Variants in NPAT observed in about 807,000 individuals in gnomAD.
NPAT encodes protein NPAT.
A neutral mutation model predicts 130.7 loss-of-function variants in NPAT; 52 were observed. The ratio of observed to expected loss-of-function variants is 0.40; its 90% CI spans 0.32 to 0.50. The LOEUF (loss-of-function observed/expected upper bound fraction) is 0.50, where lower values mean the gene tolerates loss of function less well. NPAT is among the 20% of genes least tolerant of loss of function. The pLI is 0.68. For missense variants in NPAT, 1,687 were observed against 1,662.6 expected (o/e 1.01, Z -0.26); for synonymous variants, 580 against 584.8 (o/e 0.99, Z 0.12).
At chr11:108,194,112 C>G in intron 2 of NPAT, 95 bp from the exon 3 acceptor site, 1 of 733,898 alleles carries the variant, frequency 1.4e-6, no homozygotes, top group Non-Finnish European at 2.4e-6. Context: ...AATAAAAGAT[C>G]TGACTGCAGA....
chr11:108,173,781 A>G lies in NPAT; in HGVS notation c.1203T>C (p.Asn401=), dbSNP rs181763493. The stretch of plus-strand genomic sequence containing the variant: ...GTCTAAGCACATCATGGTTGTTGCT[A>G]TTCTTCAAAGCATTTAATGGGTCAT... The part of the protein sequence containing the change: ...QNDDPLNALK[N]SNNHDVLRQE... Residue 401 remains asparagine (N), a synonymous_variant, in exon 13 of 18, where the codon AAT becomes AAC. Coordinates refer to ENST00000278612, the MANE Select transcript of NPAT (RefSeq NM_002519.3). 4 of 1,614,160 alleles carry G rather than the reference A, an allele frequency of 2.5e-6. No individual in the cohort carries two copies. Among genetic ancestry groups the G allele is most frequent in the Admixed American group, 1.7e-5 (1 of 60,024 alleles).
At chr11:108,202,650 G>A (rs2078284950) in intron 1 of NPAT, among the ~76,000 whole-genome samples, 2 of 152,098 alleles carry the variant, frequency 1.3e-5, no homozygotes, top group Non-Finnish European at 2.9e-5. Context: ...TGGTCAAAAA[G>A]GTCACTAATG....
At chr11:108,199,137 G>A (rs1279049246) in intron 1 of NPAT, among the ~76,000 whole-genome samples, 1 of 152,210 alleles carries the variant, frequency 6.6e-6, no homozygotes, top group Non-Finnish European at 1.5e-5. Flanking sequence ...CGGTGGGAAG[G>A]AGACAGAGTT....
intron 10 of NPAT, among the ~76,000 whole-genome samples, chr11:108,184,894 G>A (rs1173873112): frequency 6.6e-6 from 1 of 152,092 alleles, no homozygotes; most frequent in African/African-American, 2.4e-5. Context: ...ATTTGTAGCA[G>A]TGTAGAAGAA....
intron 1 of NPAT, among the ~76,000 whole-genome samples, chr11:108,211,855 T>C (rs1039283930): frequency 6.6e-6 from 1 of 151,880 alleles, no homozygotes; most frequent in Non-Finnish European, 1.5e-5. Context: ...GAGGGTGAGG[T>C]AGAAGGATAG....
Position 108,163,550 on chromosome 11 carries a change from G to A in NPAT, c.3011-1370C>T, listed in dbSNP as rs188995743. Among the ~76,000 whole-genome samples, 453 of 152,250 alleles carry A rather than the reference G, an allele frequency of 3.0e-3. 13 individuals carry two copies. The highest frequency in any genetic ancestry group is 7.1e-4 in the Non-Finnish European group (48 of 68,028). On this transcript the variant is annotated intron_variant, in intron 15 of 17. Coordinates refer to ENST00000278612, the MANE Select transcript of NPAT (RefSeq NM_002519.3). ...ATGAGGGTCTGAGAGACAATAATGGGCATGTACATTTCCAAAAGTAAAGGA... is the reference window on the plus strand; with the variant it reads ...ATGAGGGTCTGAGAGACAATAATGGACATGTACATTTCCAAAAGTAAAGGA...
chr11:108,165,452 T>TTATATA (rs10678040), intron 15 of NPAT, among the ~76,000 whole-genome samples: 42 of 133,910 alleles, frequency 3.1e-4, no homozygotes, highest in Middle Eastern at 3.9e-3. Context: ...ACATATGTAT[T>TTATATA]TATATATATA....
chr11:108,176,972 T>G, intron 11 of NPAT, 22 bp downstream of exon 11: 1 of 1,489,890 alleles, frequency 6.7e-7, no homozygotes, highest in Non-Finnish European at 9.4e-7. Context: ...TTTTTCTGTC[T>G]TGAAATAAAT....
chr11:108,204,951 A>G (rs1003053703), intron 1 of NPAT, among the ~76,000 whole-genome samples: 1 of 152,248 alleles, frequency 6.6e-6, no homozygotes, highest in Admixed American at 6.5e-5. Flanking sequence ...TGAAGAAATA[A>G]TGTCTAGAAA....
intron 1 of NPAT, 120 bp downstream of exon 1, chr11:108,222,380 C>G: frequency 9.5e-7 from 1 of 1,054,352 alleles, no homozygotes; most frequent in South Asian, 1.3e-5. Context: ...CCAGTCTCAA[C>G]TCGTAAGCTG....
intron 10 of NPAT, among the ~76,000 whole-genome samples, chr11:108,183,250 G>A (rs889568273): frequency 7.2e-5 from 11 of 152,118 alleles, no homozygotes; most frequent in Non-Finnish European, 1.6e-4. Context: ...GCCTCTCAAA[G>A]TGCTGGGATT....
At chr11:108,196,973 T>A (rs937441005) in intron 2 of NPAT, among the ~76,000 whole-genome samples, 3 of 152,056 alleles carry the variant, frequency 2.0e-5, no homozygotes, top group African/African-American at 7.2e-5. Context: ...TATCAAAATA[T>A]CTGTTTTATA....
At chr11:108,203,541 A>G (rs2078295263) in intron 1 of NPAT, among the ~76,000 whole-genome samples, 1 of 152,232 alleles carries the variant, frequency 6.6e-6, no homozygotes, top group Admixed American at 6.5e-5. Flanking sequence ...CCGAAGTACC[A>G]GTGTGAAAAA....
intron 7 of NPAT, among the ~76,000 whole-genome samples, chr11:108,187,866 C>T (rs759376065): frequency 5.9e-5 from 9 of 152,182 alleles, no homozygotes; most frequent in Non-Finnish European, 1.3e-4. Context: ...TATACCATTA[C>T]AGAATAAACA....
chr11:108,173,017 G>T lies in NPAT; in HGVS notation c.1967C>A (p.Ser656Tyr), dbSNP rs781227863. The T allele has an allele frequency of 1.1e-5, 18 of 1,614,020 alleles. No homozygotes were observed. Among genetic ancestry groups the T allele is most frequent in the East Asian group, 2.2e-5 (1 of 44,876 alleles). ...HTENEAQASK[S>Y]ENSQEPSSSV... ...AGATGAAGGCTCCTGTGAATTCTCA[G>T]ACTTGGATGCCTGAGCTTCATTTTC... The change falls in exon 13 of 18, where the codon TCT (serine) becomes TAT (tyrosine). Residue 656 changes from serine (S) to tyrosine (Y), a missense_variant. Transcript: ENST00000278612.
intron 15 of NPAT, among the ~76,000 whole-genome samples, chr11:108,169,264 G>C (rs530031261): frequency 6.6e-6 from 1 of 152,318 alleles, no homozygotes; most frequent in South Asian, 2.1e-4. Context: ...CTTGCTTCAA[G>C]TGTGGTCCAG....
In NPAT at chr11:108,194,020, GAAAAGA is replaced by G. The variant is rs1278182287; in HGVS notation, c.157-9_157-4del. On this transcript the variant is annotated splice_region_variant and splice_polypyrimidine_tract_variant and intron_variant, in intron 2 of 17. Transcript: ENST00000278612. ...GTCAAGTTTTTTCCAAATAAGGACT[GAAAAGA>G]AAAAGATCAAATATTACCAAAATTG... 1 of 1,466,290 alleles carries G rather than the reference GAAAAGA, an allele frequency of 6.8e-7. No individual in the cohort carries two copies. Among genetic ancestry groups the G allele is most frequent in the African/African-American group, 1.4e-5 (1 of 71,856 alleles). The allele number at this position is 1,466,290 out of a possible 1,614,324, so 90.8% of individuals were successfully genotyped here. A position where few individuals can be genotyped will look rare whatever the true frequency, so the allele number is the denominator to read the frequency against.
intron 1 of NPAT, among the ~76,000 whole-genome samples, chr11:108,220,547 GA>G (rs950201634): frequency 2.0e-5 from 3 of 151,834 alleles, no homozygotes; most frequent in Admixed American, 6.6e-5. Flanking sequence ...AGATTTGCTA[GA>G]AAAAAAACAT....
At chr11:108,162,202 C>A in intron 15 of NPAT, 22 bp from the exon 16 acceptor site, 2 of 1,602,988 alleles carry the variant, frequency 1.2e-6, no homozygotes, top group South Asian at 1.1e-5. Flanking sequence ...AATGAACATT[C>A]CTGAGAAAAA....
Sources: gnomAD v4.1 joint callset for allele counts (sites outside exome capture counted in the v4.1 genomes callset) on GRCh38, gnomAD v4.1.1 for gene constraint, MANE v1.5 for transcripts, NCBI Gene and HGNC (gene_info 2026-07-23, HGNC 2026-07-21) for gene names.